Variants in CHRM2 observed in about 807,000 individuals in gnomAD.
CHRM2 encodes cholinergic receptor muscarinic 2.
In CHRM2, 8 loss-of-function variants were observed where a neutral mutation model predicts 25.0. The observed-to-expected ratio is 0.32, with a 90% CI of 0.19 to 0.58. The LOEUF is 0.58. Among genes scored for constraint, CHRM2 ranks in the 20% least tolerant of loss-of-function variants. CHRM2 has a pLI of 0.88. For missense variants in CHRM2, 440 were observed against 567.1 expected (o/e 0.78, Z 2.28); for synonymous variants, 202 against 205.7 (o/e 0.98, Z 0.15).
At chr7:136,994,137 T>C (rs1803416927) in intron 3 of CHRM2, among the ~76,000 whole-genome samples, 2 of 152,124 alleles carry the variant, frequency 1.3e-5, no homozygotes, top group Admixed American at 6.6e-5. Context: ...TCCAACCCCT[T>C]TCCTGACCTC....
intron 2 of CHRM2, among the ~76,000 whole-genome samples, chr7:136,960,218 T>A (rs1800987254): frequency 6.6e-6 from 1 of 152,214 alleles, no homozygotes; most frequent in Non-Finnish European, 1.5e-5. Flanking sequence ...GGAATGAAGC[T>A]GCATGCTGCC....
At chr7:136,878,232 A>T (rs1487765967) in intron 2 of CHRM2, among the ~76,000 whole-genome samples, 1 of 152,006 alleles carries the variant, frequency 6.6e-6, no homozygotes, top group East Asian at 1.9e-4. Context: ...CCAGGGCCAA[A>T]GCATGTTTCC....
chr7:136,954,770 C>T (rs6943950), intron 2 of CHRM2, among the ~76,000 whole-genome samples: 1 of 151,696 alleles, frequency 6.6e-6, no homozygotes, highest in Non-Finnish European at 1.5e-5. Context: ...CTTCCATCCT[C>T]GTAGCTGCCA....
intron 2 of CHRM2, among the ~76,000 whole-genome samples, chr7:136,966,913 T>A (rs578180979): frequency 1.3e-5 from 2 of 151,990 alleles, no homozygotes; most frequent in Non-Finnish European, 2.9e-5. Context: ...GACACTATAT[T>A]TACAAGGCAG....
At chr7:136,881,505 T>C (rs1339538598) in intron 2 of CHRM2, among the ~76,000 whole-genome samples, 1 of 151,996 alleles carries the variant, frequency 6.6e-6, no homozygotes, top group Non-Finnish European at 1.5e-5. Flanking sequence ...GTATTTTCTC[T>C]AATCTTACAT....
At chr7:136,932,430 G>A (rs940155854) in intron 2 of CHRM2, among the ~76,000 whole-genome samples, 7 of 152,198 alleles carry the variant, frequency 4.6e-5, no homozygotes, top group East Asian at 1.9e-4. Flanking sequence ...GAAGTGGAGC[G>A]TACCCTACCC....
intron 2 of CHRM2, among the ~76,000 whole-genome samples, chr7:136,886,039 T>C (rs1796451069): frequency 1.3e-5 from 2 of 152,202 alleles, no homozygotes; most frequent in Non-Finnish European, 2.9e-5. Flanking sequence ...GGTCTATACC[T>C]ATCCTGTTGG....
chr7:136,934,300 C>T (rs1370507473), intron 2 of CHRM2, among the ~76,000 whole-genome samples: 1 of 152,100 alleles, frequency 6.6e-6, no homozygotes, highest in African/African-American at 2.4e-5. Flanking sequence ...AAGTCAGTCT[C>T]TTCCTGGATA....
intron 2 of CHRM2, among the ~76,000 whole-genome samples, chr7:136,882,822 G>A (rs1796316616): frequency 6.6e-6 from 1 of 152,028 alleles, no homozygotes; most frequent in Admixed American, 6.6e-5. Flanking sequence ...AACTTTTAAA[G>A]AGACCAGACT....
intron 2 of CHRM2, among the ~76,000 whole-genome samples, chr7:136,890,593 C>T (rs917524586): frequency 6.6e-6 from 1 of 152,166 alleles, no homozygotes; most frequent in Non-Finnish European, 1.5e-5. Context: ...CTGCCTTTAT[C>T]CTGACAGCCA....
At chr7:137,000,500 T>C in intron 3 of CHRM2, among the ~76,000 whole-genome samples, 1 of 131,350 alleles carries the variant, frequency 7.6e-6, no homozygotes. Context: ...GCGCCTAGTC[T>C]CATAATATAT....
intron 2 of CHRM2, among the ~76,000 whole-genome samples, chr7:136,926,765 C>T (rs192174855): frequency 2.6e-5 from 4 of 152,280 alleles, no homozygotes; most frequent in East Asian, 1.9e-4. Flanking sequence ...CTGCTGTGAG[C>T]GTCCAGGAAA....
At chr7:136,906,730 T>C (rs978943870) in intron 2 of CHRM2, among the ~76,000 whole-genome samples, 1 of 151,802 alleles carries the variant, frequency 6.6e-6, no homozygotes, top group Non-Finnish European at 1.5e-5. Context: ...GTGGTCACTT[T>C]AAGGTCAGTG....
chr7:137,013,907 T>C (rs1330184942), intron 3 of CHRM2, among the ~76,000 whole-genome samples: 21 of 152,036 alleles, frequency 1.4e-4, no homozygotes, highest in Non-Finnish European at 1.5e-5. Flanking sequence ...TGGGATTTCA[T>C]CTTTCTGAGC....
chr7:137,003,383 C>T (rs1274177241), intron 3 of CHRM2, among the ~76,000 whole-genome samples: 1 of 151,954 alleles, frequency 6.6e-6, no homozygotes, highest in Non-Finnish European at 1.5e-5. Context: ...TTTAGAAGAA[C>T]AGAGACATTC....
intron 2 of CHRM2, among the ~76,000 whole-genome samples, chr7:136,876,103 G>A (rs992498254): frequency 6.6e-6 from 1 of 152,134 alleles, no homozygotes; most frequent in African/African-American, 2.4e-5. Flanking sequence ...CCCACTAGGT[G>A]CTCAGTATAT....
chr7:136,880,099 G>A (rs2130499427), intron 2 of CHRM2, among the ~76,000 whole-genome samples: 1 of 149,026 alleles, frequency 6.7e-6, no homozygotes, highest in South Asian at 2.1e-4. Flanking sequence ...TTGCCTCTCT[G>A]TGGTTTATCT....
At chr7:136,936,748 C>T (rs1799434207) in intron 2 of CHRM2, among the ~76,000 whole-genome samples, 1 of 152,118 alleles carries the variant, frequency 6.6e-6, no homozygotes, top group Non-Finnish European at 1.5e-5. Flanking sequence ...TAATCAGAAA[C>T]AAAATCAATT....
chr7:136,955,615 T>C (rs765167906), intron 2 of CHRM2, among the ~76,000 whole-genome samples: 3 of 152,158 alleles, frequency 2.0e-5, no homozygotes, highest in Non-Finnish European at 4.4e-5. Flanking sequence ...TGTCTCTCTG[T>C]GCTTAAGGAG....
Sources: gnomAD v4.1 joint callset for allele counts (sites outside exome capture counted in the v4.1 genomes callset) on GRCh38, gnomAD v4.1.1 for gene constraint, MANE v1.5 for transcripts, NCBI Gene and HGNC (gene_info 2026-07-23, HGNC 2026-07-21) for gene names.